Variants in DENND1A observed in about 807,000 individuals in gnomAD.
DENND1A encodes the protein DENN domain containing 1A.
DENND1A carries 51 observed loss-of-function variants against 113.7 expected under a neutral mutation model. The observed-to-expected ratio is 0.45, with a 90% confidence interval of 0.36 to 0.57. The LOEUF is 0.57. DENND1A is among the 20% of genes least tolerant of loss of function. The pLI is 0.00. For missense variants in DENND1A, 1,258 were observed against 1,395.9 expected, an observed-to-expected ratio of 0.90 and a Z score of 1.57; for synonymous variants, 565 against 570.8, an observed-to-expected ratio of 0.99 and a Z score of 0.14.
chr9:123,913,899 C>CAAAA (rs539054836), intron 1 of DENND1A, among the ~76,000 whole-genome samples: 3 of 108,166 alleles, frequency 2.8e-5, no homozygotes, highest in Admixed American at 1.0e-4. Context: ...ACTCCTATCT[C>CAAAA]AAAAAAAAAA....
intron 5 of DENND1A, among the ~76,000 whole-genome samples, chr9:123,737,665 A>G (rs1259982986): frequency 6.6e-6 from 1 of 152,060 alleles, no homozygotes; most frequent in Non-Finnish European, 1.5e-5. Flanking sequence ...CCCATCCCCA[A>G]AATGAAATTT....
rs545573764 is a variant in DENND1A at position 123,391,693 on chromosome 9, T to C, written c.1632-3835A>G. ...CATGAAACATACAGTCAGATATTTG[T>C]CAGAGATAAAGGATGAACCATCGAA... On this transcript the variant is annotated intron_variant, in intron 21 of 23. Coordinates refer to ENST00000394215, the MANE Select transcript of DENND1A (RefSeq NM_001352964.2). Among the ~76,000 whole-genome samples, 6 of 146,286 alleles carry C rather than the reference T, an allele frequency of 4.1e-5. No individual in the cohort carries two copies. In the East Asian group the frequency reaches 1.0e-3, roughly 24 times the overall value.
At chr9:123,654,950 C>T (rs888101701) in intron 8 of DENND1A, among the ~76,000 whole-genome samples, 6 of 152,174 alleles carry the variant, frequency 3.9e-5, no homozygotes, top group Admixed American at 1.3e-4. Context: ...TTCAGAAGCA[C>T]GCCCCATGGA....
At chr9:123,427,845 G>A (rs986066102) in intron 19 of DENND1A, among the ~76,000 whole-genome samples, 6 of 152,168 alleles carry the variant, frequency 3.9e-5, no homozygotes, top group Admixed American at 2.0e-4. Context: ...TCAGTCCAGC[G>A]AGTCAATGCC....
intron 3 of DENND1A, among the ~76,000 whole-genome samples, chr9:123,780,637 T>C (rs763300516): frequency 6.6e-6 from 1 of 152,216 alleles, no homozygotes; most frequent in Non-Finnish European, 1.5e-5. Context: ...TTAAAGTTTG[T>C]ATAAATGTAA....
chr9:123,741,780 G>T (rs192286334), intron 5 of DENND1A, among the ~76,000 whole-genome samples: 3 of 152,260 alleles, frequency 2.0e-5, no homozygotes, highest in African/African-American at 7.2e-5. Context: ...CCCAATCCGA[G>T]TTTCAAGTTC....
intron 5 of DENND1A, among the ~76,000 whole-genome samples, chr9:123,742,834 T>G (rs1040286781): frequency 6.6e-6 from 1 of 152,212 alleles, no homozygotes; most frequent in Non-Finnish European, 1.5e-5. Context: ...ATGGTGATAA[T>G]GCATAGGACA....
intron 5 of DENND1A, among the ~76,000 whole-genome samples, chr9:123,680,163 A>C (rs2064349523): frequency 6.6e-6 from 1 of 152,184 alleles, no homozygotes; most frequent in Non-Finnish European, 1.5e-5. Flanking sequence ...CCCAATCAGA[A>C]GACAGAGAAA....
Position 123,588,237 on chromosome 9 carries a change from T to TGCACTCCA in DENND1A, c.766-4975_766-4968dup, listed in dbSNP as rs367561972. On this transcript the variant is annotated intron_variant, in intron 11 of 23. Coordinates refer to ENST00000394215, the MANE Select transcript of DENND1A (RefSeq NM_001352964.2). ...TTGCAGTGAGCCGAGATTCAGCCAT[T>TGCACTCCA]GCACTCCAGCACTCCAGCTTGGACA... Among the ~76,000 whole-genome samples, 134 of 138,810 alleles carry TGCACTCCA rather than the reference T, an allele frequency of 9.7e-4. 1 individual carries two copies. The highest frequency in any genetic ancestry group is 3.5e-3 in the African/African-American group (128 of 36,686). The allele number at this position is 138,810 out of a possible 152,430, so 91.1% of individuals were successfully genotyped here. A position where few individuals can be genotyped will look rare whatever the true frequency, so the allele number is the denominator to read the frequency against.
intron 19 of DENND1A, among the ~76,000 whole-genome samples, chr9:123,428,849 T>C (rs1240381208): frequency 2.0e-5 from 3 of 152,118 alleles, no homozygotes; most frequent in Admixed American, 2.0e-4. Context: ...GTGAAGGACC[T>C]CTTCAAGGAG....
Position 123,402,401 on chromosome 9 carries a change from C to A in DENND1A, c.1631+1001G>T, listed in dbSNP as rs1342571783. ...GAAGTGAACTGCAACTTGGGTTAGG[C>A]CCCAGCTTGACAGCTCGAAATCATT... On this transcript the variant is annotated intron_variant, in intron 21 of 23. Transcript: ENST00000394215. 14 of 429,474 alleles carry A rather than the reference C, an allele frequency of 3.3e-5. No homozygotes were observed. In the Admixed American group the frequency reaches 3.8e-4, roughly 12 times the overall value. The allele number at this position is 429,474 out of a possible 1,614,324, so 26.6% of individuals were successfully genotyped here.
intron 13 of DENND1A, among the ~76,000 whole-genome samples, chr9:123,541,793 C>T (rs1474290538): frequency 6.6e-6 from 1 of 152,174 alleles, no homozygotes; most frequent in Non-Finnish European, 1.5e-5. Context: ...TCCCATCTGC[C>T]ATCGCATTTA....
intron 5 of DENND1A, among the ~76,000 whole-genome samples, chr9:123,723,351 A>G (rs907700349): frequency 1.3e-5 from 2 of 152,182 alleles, no homozygotes; most frequent in African/African-American, 4.8e-5. Context: ...TGGACTGTGG[A>G]CTTTCGAGTT....
intron 5 of DENND1A, among the ~76,000 whole-genome samples, chr9:123,729,468 GACAA>G (rs748281339): frequency 7.9e-5 from 12 of 152,062 alleles, no homozygotes; most frequent in African/African-American, 1.2e-4. Context: ...ACCAATAATG[GACAA>G]ACAGAGAGCC....
intron 13 of DENND1A, among the ~76,000 whole-genome samples, chr9:123,477,071 A>G (rs905610925): frequency 2.0e-5 from 3 of 152,146 alleles, no homozygotes; most frequent in African/African-American, 7.2e-5. Context: ...ACTACTCTCC[A>G]TTTTCAGATG....
rs1282256394 is a variant in DENND1A, at chr9:123,422,391, A to G, written c.1489-10562T>C. On this transcript the variant is annotated intron_variant, in intron 19 of 23. Transcript: ENST00000394215. The surrounding 1 kb of genome is among the most constrained non-coding windows in gnomAD (Gnocchi z 4.8). ...AGCCCCAGGGCCATCCCCCAAAGCA[A>G]TAGACTTTTTGAGTGGAATGCAAAC... is the stretch of plus-strand genomic sequence containing the variant. Among the ~76,000 whole-genome samples the G allele has an allele frequency of 6.6e-6, 1 of 152,222 alleles. No individual in the cohort carries two copies. The highest frequency in any genetic ancestry group is 1.5e-5 in the Non-Finnish European group (1 of 68,038).
Position 123,921,786 on chromosome 9 carries a change from A to G in DENND1A, c.17+8103T>C, listed in dbSNP as rs535490440. ...CAAACATATAACCAGTCCTCACCTC[A>G]CAAATACTCCATTTGTAACATAACT... On this transcript the variant is annotated intron_variant, in intron 1 of 23. Transcript: ENST00000394215. 2.0e-5 allele frequency among the ~76,000 whole-genome samples: 3 copies of G among 152,254 alleles called. No homozygotes were observed. The South Asian group carries it at 6.2e-4, about 32-fold the overall frequency.
intron 5 of DENND1A, among the ~76,000 whole-genome samples, chr9:123,683,144 G>C (rs2140241300): frequency 6.6e-6 from 1 of 152,218 alleles, no homozygotes; most frequent in Non-Finnish European, 1.5e-5. Flanking sequence ...TACAACTCTT[G>C]CAAAGGAGAC....
At position 123,863,679 on chromosome 9, in the gene DENND1A, C is replaced by T. The variant is rs144707673; in HGVS notation, c.88+15272G>A. On this transcript the variant is annotated intron_variant, in intron 2 of 23. Transcript: ENST00000394215. ...ACCAAGTGAGAATTTATGCTGCCTT[C>T]GCAAACTGTTGAAAGAGGCACTCCC... Among the ~76,000 whole-genome samples the T allele has an allele frequency of 4.4e-3, 671 of 152,006 alleles. 5 individuals carry two copies. The highest frequency in any genetic ancestry group is 0.027 in the South Asian group (128 of 4,824).
Sources: allele counts gnomAD v4.1 joint callset (sites outside exome capture counted in the v4.1 genomes callset), GRCh38; gene constraint gnomAD v4.1.1; non-coding constraint Gnocchi (gnomAD v3.1); transcripts MANE v1.5; gene names NCBI Gene and HGNC (gene_info 2026-07-23, HGNC 2026-07-21).